PAOX: variants seen among roughly 807,000 people sequenced by gnomAD.
PAOX encodes the protein peroxisomal N(1)-acetyl-spermine/spermidine oxidase.
In PAOX, 38 loss-of-function variants were observed where a neutral mutation model predicts 39.0. That is an observed-to-expected ratio of 0.97 (90% CI 0.75 to 1.28). PAOX has a LOEUF of 1.28. Among genes scored for constraint, PAOX ranks in the 50% most tolerant of loss-of-function variants. The probability of loss-of-function intolerance (pLI) is 0.00; values close to 1 mark genes in which losing one functional copy is unlikely to be tolerated. For missense variants in PAOX, 667 were observed against 685.7 expected (o/e 0.97, Z 0.30); for synonymous variants, 311 against 314.4 (o/e 0.99, Z 0.11).
chr10:133,382,472 C>T (rs928583632), intron 3 of PAOX, among the ~76,000 whole-genome samples: 1 of 152,158 alleles, frequency 6.6e-6, no homozygotes, highest in African/African-American at 2.4e-5. Context: ...GAGATGCAGT[C>T]GTCGTCCACA....
In PAOX at chr10:133,384,128, C is replaced by T. The variant is rs770283450; in HGVS notation, c.1037C>T (p.Thr346Met). ...CTGATCCAGCTGGTGTGGGAGGACA[C>T]GTCGCCCCTGGAGGATGCTGCCCCT... ...CQLIQLVWED[T>M]SPLEDAAPEL... Residue 346 changes from threonine (T) to methionine (M), a missense_variant, in exon 4 of 7, where the codon ACG (threonine) becomes ATG (methionine). Transcript: ENST00000278060. The surrounding 1 kb of genome is among the most constrained non-coding windows in gnomAD (Gnocchi z 4.3). 34 of 1,614,166 alleles carry T rather than the reference C, an allele frequency of 2.1e-5. No individual in the cohort carries two copies. Among genetic ancestry groups the T allele is most frequent in the South Asian group, 3.3e-5 (3 of 91,070 alleles).
At position 133,389,767 on chromosome 10, in the gene PAOX, C is replaced by A; in HGVS notation, c.1392+20C>A. 1 of 1,457,162 alleles carries A rather than the reference C, an allele frequency of 6.9e-7. No individual in the cohort carries two copies. The allele number at this position is 1,457,162 out of a possible 1,614,324, so 90.3% of individuals were successfully genotyped here. On this transcript the variant is annotated intron_variant, in intron 6 of 6. Transcript: ENST00000278060. ...GCCCAGGTATGTGGCGTGCCCCAGT[C>A]GGGGGGCGTGGGTCCCGCTGCAGAG...
Position 133,381,556 on chromosome 10 carries a change from C to T in PAOX, c.765C>T (p.Ser255=). The change falls in exon 3 of 7, where the codon TCC becomes TCT. Residue 255 remains serine, a synonymous_variant. Transcript: ENST00000278060. ...KPVKTIHWNG[S]FQEAAFPGET... The stretch of plus-strand genomic sequence containing the variant: ...TGAAGACCATCCACTGGAACGGGTC[C>T]TTCCAGGAGGCAGCCTTTCCCGGGG... 3 of 1,613,840 alleles carry T rather than the reference C, an allele frequency of 1.9e-6. No homozygotes were observed. Among genetic ancestry groups the T allele is most frequent in the Non-Finnish European group, 2.5e-6 (3 of 1,180,026 alleles).
Position 133,389,082 on chromosome 10 carries a change from A to C in PAOX, c.1234+14A>C, listed in dbSNP as rs1589900400. 1 of 1,566,498 alleles carries C rather than the reference A, an allele frequency of 6.4e-7. No individual in the cohort carries two copies. Among genetic ancestry groups the C allele is most frequent in the African/African-American group, 1.4e-5 (1 of 73,898 alleles). On this transcript the variant is annotated intron_variant, in intron 5 of 6. Coordinates refer to ENST00000278060, the MANE Select transcript of PAOX (RefSeq NM_152911.4). ...GGAGAGTGACAGGTAGGTACTCACC[A>C]CACACGCTGGTTCCTGCCTCTGCTC...
Position 133,384,313 on chromosome 10 carries a change from G to T in PAOX, c.1121+101G>T, listed in dbSNP as rs1213486430. Reference sequence around the variant, plus strand: ...TCTGTTCACTGCAGGGTATTTCTAGGGGGTTTAATGGGTAGGGTTCCCATG... The same window carrying T: ...TCTGTTCACTGCAGGGTATTTCTAGTGGGTTTAATGGGTAGGGTTCCCATG... On this transcript the variant is annotated intron_variant, in intron 4 of 6. Transcript: ENST00000278060. This position sits in a 1 kb window ranked among gnomAD's most constrained non-coding sequence, Gnocchi z 4.3. 6.6e-7 allele frequency: 1 copy of T among 1,508,716 alleles called. No individual in the cohort carries two copies. The highest frequency in any genetic ancestry group is 2.0e-5 in the Admixed American group (1 of 50,750). The allele number at this position is 1,508,716 out of a possible 1,614,324, so 93.5% of individuals were successfully genotyped here.
chr10:133,391,656 C>A lies in PAOX; in HGVS notation c.*201C>A. On this transcript the variant is annotated 3_prime_UTR_variant, in exon 7 of 7. Coordinates refer to ENST00000278060, the MANE Select transcript of PAOX (RefSeq NM_152911.4). ...GACTTGAGCTGAGACACCAGATGCT[C>A]ACGGAGATGCTGGACACATAAAGCA... 1.3e-6 allele frequency: 1 copy of A among 783,176 alleles called. No homozygotes were observed. The highest frequency in any genetic ancestry group is 2.0e-6 in the Non-Finnish European group (1 of 508,368). 48.5% of individuals were successfully genotyped at this position (783,176 alleles called of 1,614,324 possible). A position where few individuals can be genotyped will look rare whatever the true frequency, so the allele number is the denominator to read the frequency against.
At chr10:133,381,436 A>C in intron 2 of PAOX, 24 bp from the exon 3 acceptor site, 1 of 1,611,512 alleles carries the variant, frequency 6.2e-7, no homozygotes, top group Non-Finnish European at 8.5e-7. Context: ...GGCCTCTACG[A>C]AACCAGCACT....
In PAOX at chr10:133,381,550, C is replaced by T. The variant is rs144051413; in HGVS notation, c.759C>T (p.Asn253=). 3.6e-5 allele frequency: 58 copies of T among 1,613,708 alleles called. No homozygotes were observed. The African/African-American group carries it at 4.3e-4, about 12-fold the overall frequency. ...FEKPVKTIHW[N]GSFQEAAFPG... ...AGCCTGTGAAGACCATCCACTGGAACGGGTCCTTCCAGGAGGCAGCCTTTC... is the reference window on the plus strand; with the variant it reads ...AGCCTGTGAAGACCATCCACTGGAATGGGTCCTTCCAGGAGGCAGCCTTTC... Residue 253 remains asparagine (N), a synonymous_variant, in exon 3 of 7, where the codon AAC becomes AAT. Transcript: ENST00000278060.
At chr10:133,389,555 G>C (rs375729959) in intron 5 of PAOX, 35 bp from the exon 6 acceptor site, 149 of 1,613,270 alleles carry the variant, frequency 9.2e-5, no homozygotes, top group Non-Finnish European at 1.1e-4. Flanking sequence ...GTGGGTGAGA[G>C]TTCTCGGTTA....
chr10:133,388,525 G>A (rs974154560), intron 4 of PAOX, among the ~76,000 whole-genome samples: 2 of 152,238 alleles, frequency 1.3e-5, no homozygotes, highest in African/African-American at 4.8e-5. Context: ...GCCTGTAGGC[G>A]CATGTGGATC....
At chr10:133,387,680 G>A (rs964423002) in intron 4 of PAOX, among the ~76,000 whole-genome samples, 4 of 152,228 alleles carry the variant, frequency 2.6e-5, no homozygotes, top group Admixed American at 6.5e-5. Flanking sequence ...CGTGCACCAC[G>A]CGCAGCAGGA....
At chr10:133,389,443 G>C in intron 5 of PAOX, 147 bp from the exon 6 acceptor site, 1 of 1,207,060 alleles carries the variant, frequency 8.3e-7, no homozygotes, top group Non-Finnish European at 1.2e-6. Context: ...GCGGCAGGAA[G>C]AGCCTCTCCT....
chr10:133,389,101 T>A, intron 5 of PAOX, 33 bp downstream of exon 5: 1 of 1,498,940 alleles, frequency 6.7e-7, no homozygotes. Flanking sequence ...GGTTCCTGCC[T>A]CTGCTCGTTA....
At position 133,380,360 on chromosome 10, in the gene PAOX, G is replaced by A; in HGVS notation, c.543G>A (p.Leu181=). The change falls in exon 2 of 7, where the codon CTG becomes CTA. Residue 181 remains leucine (L), a synonymous_variant. Coordinates refer to ENST00000278060, the MANE Select transcript of PAOX (RefSeq NM_152911.4). Reference sequence around the variant, plus strand: ...ATGAGGAGACCAGGAAGCTGAAGCTGGCCGTCCTGAACTCCTTCTTCAACC... The same window carrying A: ...ATGAGGAGACCAGGAAGCTGAAGCTAGCCGTCCTGAACTCCTTCTTCAACC... ...TEDEETRKLK[L]AVLNSFFNLE... is the part of the protein sequence containing the mutation. 6.2e-7 allele frequency: 1 copy of A among 1,612,938 alleles called. No individual in the cohort carries two copies. Among genetic ancestry groups the A allele is most frequent in the Non-Finnish European group, 8.5e-7 (1 of 1,180,038 alleles).
rs1849479512 is a variant in PAOX, at chr10:133,384,325, G to T, written c.1121+113G>T. 6.7e-7 allele frequency: 1 copy of T among 1,484,272 alleles called. No individual in the cohort carries two copies. Among genetic ancestry groups the T allele is most frequent in the Non-Finnish European group, 9.1e-7 (1 of 1,101,996 alleles). The allele number at this position is 1,484,272 out of a possible 1,614,324, so 91.9% of individuals were successfully genotyped here. A position where few individuals can be genotyped will look rare whatever the true frequency, so the allele number is the denominator to read the frequency against. Reference sequence around the variant, plus strand: ...AGGGTATTTCTAGGGGGTTTAATGGGTAGGGTTCCCATGAGCGCCCCCCCA... The same window carrying T: ...AGGGTATTTCTAGGGGGTTTAATGGTTAGGGTTCCCATGAGCGCCCCCCCA... On this transcript the variant is annotated intron_variant, in intron 4 of 6. Coordinates refer to ENST00000278060, the MANE Select transcript of PAOX (RefSeq NM_152911.4). The surrounding 1 kb of genome is among the most constrained non-coding windows in gnomAD (Gnocchi z 4.3).
intron 4 of PAOX, among the ~76,000 whole-genome samples, chr10:133,386,018 CTTTT>C (rs60370984): frequency 7.1e-6 from 1 of 141,284 alleles, no homozygotes; most frequent in Admixed American, 7.1e-5. Context: ...TTCTGCAAAA[CTTTT>C]TTTTTTTTTT....
chr10:133,379,724 C>A, intron 1 of PAOX: 1 of 533,330 alleles, frequency 1.9e-6, no homozygotes, highest in Non-Finnish European at 3.0e-6. Flanking sequence ...CACAAGGCCG[C>A]CCTGATTCTG....
chr10:133,384,012 G>A lies in PAOX; in HGVS notation c.921G>A (p.Glu307=). ...DTFFDPPLPA[E]KAEAIRKIGF... ...TCTTTGACCCTCCCCTGCCGGCTGAGAAGGCAGAAGCAATCAGGAAGATAG... is the reference window on the plus strand; with the variant it reads ...TCTTTGACCCTCCCCTGCCGGCTGAAAAGGCAGAAGCAATCAGGAAGATAG... Residue 307 remains glutamate (E), a synonymous_variant, in exon 4 of 7, where the codon GAG becomes GAA. Transcript: ENST00000278060. This position sits in a 1 kb window ranked among gnomAD's most constrained non-coding sequence, Gnocchi z 4.3. 6.2e-7 allele frequency: 1 copy of A among 1,614,210 alleles called. No individual in the cohort carries two copies. The highest frequency in any genetic ancestry group is 8.5e-7 in the Non-Finnish European group (1 of 1,180,032).
At chr10:133,391,134 G>A in intron 6 of PAOX, 178 bp from the exon 7 acceptor site, 1 of 715,670 alleles carries the variant, frequency 1.4e-6, no homozygotes, top group Admixed American at 2.0e-5. Context: ...GGATGTGTGT[G>A]AGCTGTTTTC....
Sources: allele counts gnomAD v4.1 joint callset (sites outside exome capture counted in the v4.1 genomes callset), GRCh38; gene constraint gnomAD v4.1.1; non-coding constraint Gnocchi (gnomAD v3.1); transcripts MANE v1.5; gene names NCBI Gene and HGNC (gene_info 2026-07-23, HGNC 2026-07-21).